The following ADAMTS9 variants were observed in gnomAD, a reference collection of about 807,000 sequenced individuals.
ADAMTS9 encodes ADAM metallopeptidase with thrombospondin type 1 motif 9.
ADAMTS9 carries 107 observed loss-of-function variants against 257.1 expected under a neutral mutation model. The ratio of observed to expected loss-of-function variants is 0.42; its 90% confidence interval spans 0.36 to 0.49. ADAMTS9 has a LOEUF of 0.49. ADAMTS9 is among the 20% of genes least tolerant of loss of function. ADAMTS9 has a pLI of 0.03. For missense variants in ADAMTS9, 2,353 were observed against 2,469.1 expected, an observed-to-expected ratio of 0.95 and a Z score of 1.00; for synonymous variants, 982 against 880.9, an observed-to-expected ratio of 1.11 and a Z score of -2.03.
chr3:64,596,716 C>A (rs1311336794), intron 27 of ADAMTS9, 114 bp downstream of exon 27: 1 of 1,303,904 alleles, frequency 7.7e-7, no homozygotes, highest in Admixed American at 2.1e-5. Context: ...TTAATCCCCA[C>A]CCCAGAAGCT....
chr3:64,560,760 T>A (rs995121640), intron 30 of ADAMTS9, among the ~76,000 whole-genome samples: 1 of 152,140 alleles, frequency 6.6e-6, no homozygotes, highest in Non-Finnish European at 1.5e-5. Context: ...TCTGAAAAAC[T>A]CTTCATGGTG....
intron 3 of ADAMTS9, among the ~76,000 whole-genome samples, chr3:64,667,577 AG>A (rs1407165640): frequency 2.0e-5 from 3 of 152,254 alleles, no homozygotes; most frequent in Non-Finnish European, 2.9e-5. Context: ...ATACCTTCTA[AG>A]GGGGTGGGTG....
rs1007434006 is a variant in ADAMTS9, at chr3:64,658,528, G to A, written c.943C>T (p.His315Tyr). The change falls in exon 4 of 40, where the codon CAC becomes TAC. Residue 315 changes from histidine (H) to tyrosine (Y), a missense_variant. By Grantham distance (83) the His-to-Tyr change is moderately conservative. Transcript: ENST00000498707. ...MVSYHGENLQ[H>Y]YILTLMSIVA... ...ATTGACATTAAAGTTAAAATATAGTGTTGAAGGTTTTCTCCATGGTATGAA... is the reference window on the plus strand; with the variant it reads ...ATTGACATTAAAGTTAAAATATAGTATTGAAGGTTTTCTCCATGGTATGAA... 10 of 1,613,236 alleles carry A rather than the reference G, an allele frequency of 6.2e-6. No individual in the cohort carries two copies. Among genetic ancestry groups the A allele is most frequent in the African/African-American group, 5.4e-5 (4 of 74,734 alleles).
chr3:64,659,691 T>G (rs578170291), intron 3 of ADAMTS9, among the ~76,000 whole-genome samples: 1 of 152,234 alleles, frequency 6.6e-6, no homozygotes, highest in African/African-American at 2.4e-5. Context: ...TTAATTAACT[T>G]ACTCCAGGGC....
intron 3 of ADAMTS9, among the ~76,000 whole-genome samples, chr3:64,668,905 T>C (rs561170716): frequency 6.6e-6 from 1 of 151,922 alleles, no homozygotes; most frequent in South Asian, 2.1e-4. Context: ...TCGTAGGGAG[T>C]GTATCTCCCA....
At chr3:64,561,138 C>T (rs1226911857) in intron 30 of ADAMTS9, among the ~76,000 whole-genome samples, 2 of 151,292 alleles carry the variant, frequency 1.3e-5, no homozygotes, top group African/African-American at 4.9e-5. Flanking sequence ...CTATCTTCTA[C>T]CTGACAGCCA....
chr3:64,565,997 A>G (rs939472789), intron 29 of ADAMTS9, among the ~76,000 whole-genome samples: 1 of 152,246 alleles, frequency 6.6e-6, no homozygotes, highest in African/African-American at 2.4e-5. Context: ...TTTCTATCCG[A>G]ATATCCTATA....
intron 32 of ADAMTS9, among the ~76,000 whole-genome samples, chr3:64,545,337 A>G (rs1429805136): frequency 3.9e-5 from 6 of 152,248 alleles, no homozygotes; most frequent in Non-Finnish European, 8.8e-5. Context: ...TATTCACAAT[A>G]GCAAAGACTT....
At chr3:64,683,936 T>C (rs1324064015) in intron 2 of ADAMTS9, among the ~76,000 whole-genome samples, 2 of 151,968 alleles carry the variant, frequency 1.3e-5, no homozygotes, top group Non-Finnish European at 2.9e-5. Context: ...GACATCAACA[T>C]GGGGAACTAT....
chr3:64,625,862 C>A (rs985778432), intron 16 of ADAMTS9, among the ~76,000 whole-genome samples: 1 of 152,170 alleles, frequency 6.6e-6, no homozygotes, highest in African/African-American at 2.4e-5. Flanking sequence ...TTAATCTTCA[C>A]CTATCTTCCT....
intron 2 of ADAMTS9, among the ~76,000 whole-genome samples, chr3:64,682,176 T>C (rs1316738006): frequency 2.0e-5 from 3 of 152,192 alleles, no homozygotes; most frequent in Admixed American, 1.3e-4. Context: ...CCCATTCACC[T>C]TGGGCAAGTT....
intron 3 of ADAMTS9, among the ~76,000 whole-genome samples, chr3:64,673,903 T>C (rs1701557623): frequency 6.6e-6 from 1 of 152,052 alleles, no homozygotes; most frequent in Admixed American, 6.6e-5. Context: ...CATTTTATTA[T>C]TGTCTCTAGC....
intron 30 of ADAMTS9, among the ~76,000 whole-genome samples, chr3:64,553,970 T>A (rs907352129): frequency 3.3e-5 from 5 of 152,174 alleles, no homozygotes; most frequent in Non-Finnish European, 7.3e-5. Flanking sequence ...AAGAAAAATT[T>A]AATCTGTGAT....
At chr3:64,662,477 T>C (rs971075024) in intron 3 of ADAMTS9, among the ~76,000 whole-genome samples, 1 of 152,108 alleles carries the variant, frequency 6.6e-6, no homozygotes, top group South Asian at 2.1e-4. Flanking sequence ...GGCTGCTCTA[T>C]CCATTATTGA....
intron 11 of ADAMTS9, among the ~76,000 whole-genome samples, chr3:64,644,618 CT>C (rs577689681): frequency 4.4e-4 from 67 of 152,298 alleles, no homozygotes; most frequent in African/African-American, 1.5e-3. Context: ...GCCCTTTGAA[CT>C]CTTTGGCTTC....
Position 64,655,682 on chromosome 3 carries a change from A to G in ADAMTS9, c.1063T>C (p.Ser355Pro), listed in dbSNP as rs753677136. 6.2e-7 allele frequency: 1 copy of G among 1,613,890 alleles called. No individual in the cohort carries two copies. Among genetic ancestry groups the G allele is most frequent in the Admixed American group, 1.7e-5 (1 of 60,020 alleles). Residue 355 changes from serine to proline, a missense_variant, in exon 6 of 40, where the codon TCC (serine) becomes CCC (proline). Ser to Pro is a moderately conservative substitution (Grantham distance 74, BLOSUM62 -1). This residue lies in a region of ADAMTS9 where 591 missense variants were observed against 569.6 expected (regional missense o/e 1.04). Transcript: ENST00000498707. ...GTTGTCTGAGCATTAAAAGATATGG[A>G]AGGCCCATCCTAAATACAGAGAAGA... is the stretch of plus-strand genomic sequence containing the variant. The part of the protein sequence containing the change: ...IVIHNEQDGP[S>P]ISFNAQTTLK...
In ADAMTS9 at chr3:64,546,795, G is replaced by A. The variant is rs1559757079; in HGVS notation, c.5027C>T (p.Pro1676Leu). The A allele has an allele frequency of 6.2e-7, 1 of 1,612,608 alleles. No homozygotes were observed. The change falls in exon 32 of 40, where the codon CCT (proline) becomes CTT (leucine). Residue 1676 changes from proline to leucine, a missense_variant. By Grantham distance (98) the Pro-to-Leu change is moderately conservative. This residue lies in a region of ADAMTS9 where 1,402 missense variants were observed against 1,441.4 expected (regional missense o/e 0.97). Coordinates refer to ENST00000498707, the MANE Select transcript of ADAMTS9 (RefSeq NM_182920.2). Reference sequence around the variant, plus strand: ...GCCAACTCTCCAGGTGGCCGAGACAGGGCAGTCCCTCAGGTAACAGGGGTG... The same window carrying A: ...GCCAACTCTCCAGGTGGCCGAGACAAGGCAGTCCCTCAGGTAACAGGGGTG... Reference protein sequence around the residue: ...SVHPCYLRDCPVSATWRVGNW... With the variant: ...SVHPCYLRDCLVSATWRVGNW...
chr3:64,618,107 T>C (rs918809277), intron 19 of ADAMTS9, among the ~76,000 whole-genome samples: 5 of 152,158 alleles, frequency 3.3e-5, no homozygotes, highest in African/African-American at 1.2e-4. Flanking sequence ...AGCTGACAAA[T>C]AGGCATGATC....
intron 2 of ADAMTS9, among the ~76,000 whole-genome samples, chr3:64,684,055 A>G (rs1701829184): frequency 6.6e-6 from 1 of 152,228 alleles, no homozygotes; most frequent in Admixed American, 6.5e-5. Context: ...TCCAAGGCAC[A>G]AAGGCAATGA....
Sources: allele counts gnomAD v4.1 joint callset (sites outside exome capture counted in the v4.1 genomes callset), GRCh38; gene constraint gnomAD v4.1.1; regional missense constraint gnomAD v4.1.1; transcripts MANE v1.5; gene names NCBI Gene and HGNC (gene_info 2026-07-23, HGNC 2026-07-21).